REPS1: variants seen among roughly 807,000 people sequenced by gnomAD.
REPS1 encodes RALBP1 associated Eps domain containing 1.
REPS1 carries 39 observed loss-of-function variants against 100.9 expected under a neutral mutation model. The observed-to-expected ratio is 0.39, with a 90% CI of 0.30 to 0.50. The LOEUF (loss-of-function observed/expected upper bound fraction) is 0.50. Ranked by LOEUF, REPS1 falls within the 20% of genes least tolerant of loss-of-function variation. REPS1 has a pLI of 0.86. For synonymous variants in REPS1, 324 were observed against 340.3 expected (o/e 0.95, Z 0.53); for missense variants, 821 against 968.5 (o/e 0.85, Z 2.02).
intron 19 of REPS1, among the ~76,000 whole-genome samples, chr6:138,905,587 G>A (rs542330829): frequency 1.4e-4 from 22 of 152,262 alleles, no homozygotes; most frequent in Non-Finnish European, 2.4e-4. Context: ...CACCGCGCCC[G>A]GCTGAAATGT....
chr6:138,920,538 A>T (rs1260945393), intron 11 of REPS1, among the ~76,000 whole-genome samples: 4 of 152,216 alleles, frequency 2.6e-5, no homozygotes, highest in Non-Finnish European at 5.9e-5. Flanking sequence ...GAAAAAGTTT[A>T]TTTGCATGTT....
intron 1 of REPS1, among the ~76,000 whole-genome samples, chr6:138,958,555 T>A (rs929477092): frequency 6.6e-6 from 1 of 152,158 alleles, no homozygotes; most frequent in Non-Finnish European, 1.5e-5. Context: ...GTCTATGTGT[T>A]CTCACGGTTC....
chr6:138,987,699 C>A lies in REPS1; in HGVS notation c.-17G>T. 2 of 1,532,392 alleles carry A rather than the reference C, an allele frequency of 1.3e-6. No homozygotes were observed. Among genetic ancestry groups the A allele is most frequent in the Non-Finnish European group, 1.8e-6 (2 of 1,137,994 alleles). 94.9% of individuals were successfully genotyped at this position (1,532,392 alleles called of 1,614,324 possible). Reference sequence around the variant, plus strand: ...GCCTTCCATCTTCGCCTCCGGCTCACGGCCGCCCCGCCCCGCATGCACTAC... The same window carrying A: ...GCCTTCCATCTTCGCCTCCGGCTCAAGGCCGCCCCGCCCCGCATGCACTAC... On this transcript the variant is annotated 5_prime_UTR_variant, in exon 1 of 20. Coordinates refer to ENST00000450536, the MANE Select transcript of REPS1 (RefSeq NM_001286611.2).
chr6:138,946,700 A>C (rs1782635813), intron 2 of REPS1, among the ~76,000 whole-genome samples: 1 of 152,126 alleles, frequency 6.6e-6, no homozygotes, highest in African/African-American at 2.4e-5. Flanking sequence ...ATTTTACAGA[A>C]ATTTTTCTGT....
intron 8 of REPS1, among the ~76,000 whole-genome samples, chr6:138,932,022 T>C (rs1342144749): frequency 6.6e-6 from 1 of 152,176 alleles, no homozygotes; most frequent in Admixed American, 6.5e-5. Context: ...ACATCAATCT[T>C]AGGGCAATCT....
chr6:138,982,601 C>A (rs1308529729), intron 1 of REPS1, among the ~76,000 whole-genome samples: 1 of 152,182 alleles, frequency 6.6e-6, no homozygotes, highest in Non-Finnish European at 1.5e-5. Flanking sequence ...AGCCACAACA[C>A]TGAATATTTT....
Position 138,943,716 on chromosome 6 carries a change from T to G in REPS1, c.916+137A>C, listed in dbSNP as rs1782418144. 2.9e-6 allele frequency: 3 copies of G among 1,043,554 alleles called. No individual in the cohort carries two copies. In the East Asian group the frequency reaches 7.9e-5, roughly 28 times the overall value. 64.6% of individuals were successfully genotyped at this position (1,043,554 alleles called of 1,614,324 possible). On this transcript the variant is annotated intron_variant, in intron 6 of 19. Transcript: ENST00000450536. ...TGTCATGTTTTTGGCCCCCAGTGATTATAAATTCTTTTTAGACAAATAATC... is the reference window on the plus strand; with the variant it reads ...TGTCATGTTTTTGGCCCCCAGTGATGATAAATTCTTTTTAGACAAATAATC...
intron 1 of REPS1, among the ~76,000 whole-genome samples, chr6:138,986,570 C>T (rs1234431918): frequency 6.6e-6 from 1 of 152,154 alleles, no homozygotes; most frequent in Non-Finnish European, 1.5e-5. Flanking sequence ...CTTTGCAGTC[C>T]ACTACATACA....
chr6:138,980,636 C>A (rs74941681), intron 1 of REPS1, among the ~76,000 whole-genome samples: 4,392 of 115,892 alleles, frequency 0.038, 184 homozygotes, highest in East Asian at 0.26. Context: ...CCCAATGATT[C>A]TCTATTATTG....
intron 2 of REPS1, among the ~76,000 whole-genome samples, chr6:138,947,163 T>C (rs1165106562): frequency 6.6e-6 from 1 of 151,942 alleles, no homozygotes; most frequent in African/African-American, 2.4e-5. Context: ...TATGCAGAAG[T>C]GAGTCAATTA....
rs953228 is a variant in REPS1 at position 138,956,664 on chromosome 6, C to T, written c.154-8751G>A. Among the ~76,000 whole-genome samples, 20 of 152,076 alleles carry T rather than the reference C, an allele frequency of 1.3e-4. No homozygotes were observed. In the East Asian group the frequency reaches 3.3e-3, roughly 25 times the overall value. On this transcript the variant is annotated intron_variant, in intron 1 of 19. Coordinates refer to ENST00000450536, the MANE Select transcript of REPS1 (RefSeq NM_001286611.2). ...CTTTTAAGAAGCTATTCCCTGCCCC[C>T]TCAAAAAAAGATAAGCTATACCCAA...
chr6:138,931,626 G>C (rs907308194), intron 8 of REPS1, among the ~76,000 whole-genome samples: 12 of 152,140 alleles, frequency 7.9e-5, no homozygotes, highest in African/African-American at 2.9e-4. Flanking sequence ...CTCAATAGAA[G>C]TGTCTGGGTA....
chr6:138,987,985 G>A lies in REPS1; in HGVS notation c.-303C>T. On this transcript the variant is annotated 5_prime_UTR_variant, in exon 1 of 20. Coordinates refer to ENST00000450536, the MANE Select transcript of REPS1 (RefSeq NM_001286611.2). ...CCGCGGGGAGGGTGCAGAGAAAGAG[G>A]CGGGGGCCGCGGAGGCGCGAGGCAC... 1 of 391,814 alleles carries A rather than the reference G, an allele frequency of 2.6e-6. No homozygotes were observed. The highest frequency in any genetic ancestry group is 4.5e-6 in the Non-Finnish European group (1 of 221,830). 24.3% of individuals were successfully genotyped at this position (391,814 alleles called of 1,614,324 possible).
chr6:138,908,152 G>C (rs753308887), intron 18 of REPS1, among the ~76,000 whole-genome samples: 1 of 152,026 alleles, frequency 6.6e-6, no homozygotes, highest in African/African-American at 2.4e-5. Context: ...GTACTGCTAC[G>C]GGGTTTGAAA....
At chr6:138,905,581 G>A (rs963097718) in intron 19 of REPS1, among the ~76,000 whole-genome samples, 4 of 110,512 alleles carry the variant, frequency 3.6e-5, no homozygotes, top group Admixed American at 1.6e-4. Context: ...GTGAGCCACC[G>A]CGCCCGGCTG....
At chr6:138,938,241 C>T (rs532594579) in intron 8 of REPS1, among the ~76,000 whole-genome samples, 2 of 152,250 alleles carry the variant, frequency 1.3e-5, no homozygotes, top group South Asian at 2.1e-4. Flanking sequence ...TTTATCTATG[C>T]ATACCTGTTC....
At position 138,960,001 on chromosome 6, in the gene REPS1, G is replaced by A. The variant is rs114546379; in HGVS notation, c.154-12088C>T. Among the ~76,000 whole-genome samples the A allele has an allele frequency of 7.1e-3, 1,080 of 152,022 alleles. 10 individuals carry two copies. The highest frequency in any genetic ancestry group is 0.024 in the African/African-American group (995 of 41,356). ...GACATAGCTAGACAGAACTTCAACC[G>A]TGCTTGCTTATGGAGTAGTAGTTTC... On this transcript the variant is annotated intron_variant, in intron 1 of 19. Coordinates refer to ENST00000450536, the MANE Select transcript of REPS1 (RefSeq NM_001286611.2).
rs767592849 is a variant in REPS1 at position 138,912,869 on chromosome 6, C to T, written c.1867G>A (p.Glu623Lys). 1 of 1,614,086 alleles carries T rather than the reference C, an allele frequency of 6.2e-7. No individual in the cohort carries two copies. The highest frequency in any genetic ancestry group is 2.2e-5 in the East Asian group (1 of 44,890). The change falls in exon 16 of 20, where the codon GAG becomes AAG. Residue 623 changes from glutamate (E) to lysine (K), a missense_variant. Transcript: ENST00000450536. ...CTGAAATCTGCAAAATTTGGTTGCT[C>T]TGGTATCTGCTGAGGTGAGGTACTA... is the stretch of plus-strand genomic sequence containing the variant. The part of the protein sequence containing the change: ...HTSTSPQQIP[E>K]QPNFADFSQF...
Position 138,941,378 on chromosome 6 carries a change from A to C in REPS1, c.1092T>G (p.Pro364=). Residue 364 remains proline, a synonymous_variant, in exon 8 of 20, where the codon CCT becomes CCG. Transcript: ENST00000450536. ...KNGYDLPEKL[P]ESLMPKLIDL... is the part of the protein sequence containing the mutation. ...CAATCAGTTTGGGCATTAAGCTTTC[A>C]GGAAGTTTTTCTGGTAAATCATAGC... 1 of 1,614,096 alleles carries C rather than the reference A, an allele frequency of 6.2e-7. No individual in the cohort carries two copies. Among genetic ancestry groups the C allele is most frequent in the Non-Finnish European group, 8.5e-7 (1 of 1,179,988 alleles).
Sources: gnomAD v4.1 joint callset for allele counts (sites outside exome capture counted in the v4.1 genomes callset) on GRCh38, gnomAD v4.1.1 for gene constraint, MANE v1.5 for transcripts, NCBI Gene and HGNC (gene_info 2026-07-23, HGNC 2026-07-21) for gene names.